The following FAM200B variants were observed in gnomAD, a reference collection of about 807,000 sequenced individuals.
The protein encoded by FAM200B is protein FAM200B.
FAM200B carries 32 observed loss-of-function variants against 33.1 expected under a neutral mutation model. The ratio of observed to expected loss-of-function variants is 0.97; its 90% confidence interval spans 0.73 to 1.30. FAM200B has a LOEUF of 1.30. Among genes scored for constraint, FAM200B ranks in the 50% most tolerant of loss-of-function variants. The probability of loss-of-function intolerance (pLI) is 0.00; values close to 1 mark genes in which losing one functional copy is unlikely to be tolerated. For missense variants in FAM200B, 741 were observed against 754.0 expected, an observed-to-expected ratio of 0.98 and a Z score of 0.20; for synonymous variants, 240 against 264.8, an observed-to-expected ratio of 0.91 and a Z score of 0.91.
At chr4:15,638,774 C>A in the FAM200B span, 1 of 881,060 alleles carries the variant, frequency 1.1e-6, no homozygotes, top group South Asian at 1.8e-5. Flanking sequence ...TTATTAATGG[C>A]TCGAATGTCG....
At chr4:15,668,672 TA>T in the FAM200B span, among the ~76,000 whole-genome samples, 1 of 152,118 alleles carries the variant, frequency 6.6e-6, no homozygotes, top group African/African-American at 2.4e-5. Flanking sequence ...TCTTCAAAAT[TA>T]AAAAAGCTAT....
the FAM200B span, among the ~76,000 whole-genome samples, chr4:15,665,736 G>A: frequency 6.6e-6 from 1 of 152,098 alleles, no homozygotes; most frequent in Non-Finnish European, 1.5e-5. Context: ...ACAAACTTAG[G>A]ATGAGAATAT....
chr4:15,676,415 C>G, the FAM200B span, among the ~76,000 whole-genome samples: 1,725 of 152,074 alleles, frequency 0.011, 18 homozygotes, highest in Middle Eastern at 0.014. Context: ...GACAAATGAC[C>G]TAATCTCTAC....
chr4:15,655,298 TCAGCCTCCGCCTCAGCAGCCG>T, the FAM200B span: 1 of 1,404,440 alleles, frequency 7.1e-7, no homozygotes. Context: ...CGCCACTGCC[TCAGCCTCCGCCTCAGCAGCCG>T]CGGCCGCCGC....
At chr4:15,652,407 C>A in the FAM200B span, among the ~76,000 whole-genome samples, 2 of 152,152 alleles carry the variant, frequency 1.3e-5, no homozygotes, top group South Asian at 4.1e-4. Flanking sequence ...AAGTCCCCAG[C>A]TATAAAACAG....
At chr4:15,640,799 CTTTCATGTGAGGAAGAAAA>C in the FAM200B span, 1 of 1,545,650 alleles carries the variant, frequency 6.5e-7, no homozygotes, top group Non-Finnish European at 8.7e-7. Flanking sequence ...TCCTCTTCCT[CTTTCATGTGAGGAAGAAAA>C]TCTCTTGTAA....
upstream of FAM200B, among the ~76,000 whole-genome samples, chr4:15,677,063 G>T (rs565408921): frequency 1.2e-4 from 18 of 152,108 alleles, no homozygotes; most frequent in Non-Finnish European, 1.9e-4. Flanking sequence ...CGGATATACC[G>T]CTAGATAGCG....
the FAM200B span, chr4:15,640,923 G>T: frequency 1.7e-6 from 2 of 1,147,592 alleles, no homozygotes; most frequent in Non-Finnish European, 2.4e-6. Context: ...TAAAAGTTTC[G>T]CTTCATTAAT....
the FAM200B span, among the ~76,000 whole-genome samples, chr4:15,638,153 C>T: frequency 1.1e-4 from 17 of 152,148 alleles, no homozygotes; most frequent in Non-Finnish European, 2.1e-4. Flanking sequence ...AGGATGATAT[C>T]GCAAAAGTGC....
At chr4:15,669,596 A>T in the FAM200B span, among the ~76,000 whole-genome samples, 3 of 152,198 alleles carry the variant, frequency 2.0e-5, no homozygotes, top group Admixed American at 1.3e-4. Flanking sequence ...ATGATAATAA[A>T]TACTCCCCTT....
chr4:15,683,450 G>A (rs1374496442), intron 1 of FAM200B, among the ~76,000 whole-genome samples: 1 of 152,086 alleles, frequency 6.6e-6, no homozygotes, highest in Non-Finnish European at 1.5e-5. Context: ...AATAGTAACT[G>A]AACTAGTGTT....
the FAM200B span, among the ~76,000 whole-genome samples, chr4:15,651,473 T>A: frequency 6.6e-6 from 1 of 152,188 alleles, no homozygotes; most frequent in Non-Finnish European, 1.5e-5. Context: ...TAGTAAGAAC[T>A]CATTAAATTC....
chr4:15,642,788 T>C, the FAM200B span, among the ~76,000 whole-genome samples: 1 of 152,292 alleles, frequency 6.6e-6, no homozygotes, highest in South Asian at 2.1e-4. Flanking sequence ...CCACCTCCTA[T>C]TCATAAATGC....
intron 1 of FAM200B, chr4:15,684,537 A>T (rs549346697): frequency 1.3e-5 from 2 of 152,152 alleles, no homozygotes; most frequent in South Asian, 4.1e-4. Flanking sequence ...TTCTTGGGGG[A>T]AAGTTGAAGC....
chr4:15,666,397 C>T, the FAM200B span, among the ~76,000 whole-genome samples: 3 of 151,870 alleles, frequency 2.0e-5, no homozygotes, highest in African/African-American at 7.3e-5. Context: ...AAGACCCTGC[C>T]TAAAAAAATA....
At chr4:15,655,467 C>A in the FAM200B span, 5 of 880,128 alleles carry the variant, frequency 5.7e-6, no homozygotes, top group African/African-American at 5.4e-5. Flanking sequence ...GCGATCCCTG[C>A]GGCCCACGTG....
At chr4:15,677,552 T>C (rs1718039277), upstream of FAM200B, among the ~76,000 whole-genome samples, 2 of 152,118 alleles carry the variant, frequency 1.3e-5, no homozygotes, top group Non-Finnish European at 2.9e-5. Flanking sequence ...GAGACTGAGT[T>C]CAAATAAGTG....
chr4:15,639,105 G>A, the FAM200B span, among the ~76,000 whole-genome samples: 14 of 152,176 alleles, frequency 9.2e-5, no homozygotes, highest in Non-Finnish European at 1.5e-4. Flanking sequence ...CAGAGGTTGC[G>A]GCGAGCCGAT....
chr4:15,675,572 ATTTTTTTTTTTT>A, the FAM200B span, among the ~76,000 whole-genome samples: 1 of 96,704 alleles, frequency 1.0e-5, no homozygotes, highest in Non-Finnish European at 2.0e-5. Flanking sequence ...CAAAACTCCT[ATTTTTTTTTTTT>A]TTTTTTTTTT....
Sources: gnomAD v4.1 joint callset for allele counts (sites outside exome capture counted in the v4.1 genomes callset) on GRCh38, gnomAD v4.1.1 for gene constraint, MANE v1.5 for transcripts, NCBI Gene and HGNC (gene_info 2026-07-23, HGNC 2026-07-21) for gene names.